FAM174C: variants seen among roughly 807,000 people sequenced by gnomAD.
FAM174C encodes family with sequence similarity 174 member C, also known as protein FAM174C.
A neutral mutation model predicts 12.3 loss-of-function variants in FAM174C; 19 were observed. The ratio of observed to expected loss-of-function variants is 1.55; its 90% CI spans 1.08 to 2.27. The LOEUF (loss-of-function observed/expected upper bound fraction) is 2.27. Ranked by LOEUF, FAM174C falls within the 30% of genes most tolerant of loss-of-function variation. The probability of loss-of-function intolerance (pLI) is 0.00; values close to 1 mark genes in which losing one functional copy is unlikely to be tolerated. For synonymous variants in FAM174C, 147 were observed against 103.5 expected (o/e 1.42, Z -2.55); for missense variants, 239 against 190.2 (o/e 1.26, Z -1.51).
chr19:1,277,637 A>AT (rs2081421358), intron 2 of FAM174C, among the ~76,000 whole-genome samples: 1 of 151,784 alleles, frequency 6.6e-6, no homozygotes, highest in African/African-American at 2.4e-5. Context: ...CGCCTCGCTA[A>AT]TTTTTTGTAT....
intron 1 of FAM174C, chr19:1,276,212 C>T (rs766594022): frequency 8.3e-6 from 2 of 240,362 alleles, no homozygotes; most frequent in Non-Finnish European, 1.6e-5. Context: ...CTCATCTTCC[C>T]GCCTGCCGCC....
Position 1,275,807 on chromosome 19 carries a change from C to A in FAM174C, c.258C>A (p.Leu86=). Reference sequence around the variant, plus strand: ...TGGGCTTCTGCGGCCTGACCGCGCTCTACTTCCTGATCCGGGCGTTTAGGT... The same window carrying A: ...TGGGCTTCTGCGGCCTGACCGCGCTATACTTCCTGATCCGGGCGTTTAGGT... The part of the protein sequence containing the change: ...VILGFCGLTA[L]YFLIRAFRLK... The change falls in exon 1 of 3, where the codon CTC becomes CTA. Residue 86 remains leucine, a synonymous_variant. Transcript: ENST00000409293. The A allele has an allele frequency of 6.5e-7, 1 of 1,538,000 alleles. No individual in the cohort carries two copies. Among genetic ancestry groups the A allele is most frequent in the South Asian group, 1.2e-5 (1 of 84,042 alleles).
In FAM174C at chr19:1,277,124, G is replaced by A. The variant is rs2081418919; in HGVS notation, c.282-59G>A. On this transcript the variant is annotated intron_variant, in intron 1 of 2. Transcript: ENST00000409293. The stretch of plus-strand genomic sequence containing the variant: ...GAGGACGGCAATGAGAGTCCTGAGG[G>A]AAGGAGGAGGCAGGGTTGGCGGGGA... The A allele has an allele frequency of 1.5e-5, 22 of 1,507,056 alleles. No homozygotes were observed. The East Asian group carries it at 5.5e-4, about 38-fold the overall frequency. The allele number at this position is 1,507,056 out of a possible 1,614,324, so 93.4% of individuals were successfully genotyped here.
Position 1,278,969 on chromosome 19 carries a change from C to G in FAM174C, c.*192C>G. 1.2e-6 allele frequency: 2 copies of G among 1,612,688 alleles called. No homozygotes were observed. The highest frequency in any genetic ancestry group is 1.7e-6 in the Non-Finnish European group (2 of 1,179,934). ...CCGCCGACCTGTTGCCACCTGCACC[C>G]ACCGCTGGACCATGCAGCCTCGCCT... On this transcript the variant is annotated 3_prime_UTR_variant, in exon 3 of 3. Transcript: ENST00000409293.
At chr19:1,278,199 G>A (rs4995472) in intron 2 of FAM174C, among the ~76,000 whole-genome samples, 748 of 12,718 alleles carry the variant, frequency 0.059, 3 homozygotes, top group South Asian at 0.1. Flanking sequence ...GCTTCTGAGC[G>A]GGCGGGGTCA....
intron 2 of FAM174C, chr19:1,277,742 G>A (rs1023372520): frequency 6.4e-6 from 1 of 157,070 alleles, no homozygotes; most frequent in Non-Finnish European, 1.4e-5. Flanking sequence ...CCAAAGAGCT[G>A]GGATTACAGG....
At chr19:1,276,977 G>A (rs1218847133) in intron 1 of FAM174C, 5 of 710,728 alleles carry the variant, frequency 7.0e-6, no homozygotes, top group Non-Finnish European at 1.0e-5. Context: ...GGCCTGGTAG[G>A]GCACATGTCT....
chr19:1,278,152 A>T (rs968067358), intron 2 of FAM174C, among the ~76,000 whole-genome samples: 2 of 11,330 alleles, frequency 1.8e-4, no homozygotes, highest in African/African-American at 3.3e-4. Context: ...TCCCTGAGGG[A>T]TGAGGTCTAA....
At chr19:1,277,443 G>A in intron 2 of FAM174C, 144 bp downstream of exon 2, 1 of 1,274,662 alleles carries the variant, frequency 7.8e-7, no homozygotes, top group Non-Finnish European at 1.0e-6. Context: ...CCACTGGGCA[G>A]GGCTCATCCC....
chr19:1,277,086 C>G, intron 1 of FAM174C, 97 bp from the exon 2 acceptor site: 1 of 1,449,348 alleles, frequency 6.9e-7, no homozygotes, highest in Non-Finnish European at 9.2e-7. Context: ...CAGCAGGGCT[C>G]GGGGCTCCAG....
chr19:1,278,870 C>A lies in FAM174C; in HGVS notation c.*93C>A. The A allele has an allele frequency of 2.5e-6, 4 of 1,613,092 alleles. No homozygotes were observed. The South Asian group carries it at 4.4e-5, about 18-fold the overall frequency. ...TGCCCAGCAACCCCCTGCTCCACCG[C>A]TCATTCCCCTGCTGGCCCCGGGGCT... On this transcript the variant is annotated 3_prime_UTR_variant, in exon 3 of 3. Transcript: ENST00000409293.
Position 1,275,734 on chromosome 19 carries a change from C to G in FAM174C, c.185C>G (p.Pro62Arg). 6.5e-7 allele frequency: 1 copy of G among 1,534,086 alleles called. No individual in the cohort carries two copies. Among genetic ancestry groups the G allele is most frequent in the Non-Finnish European group, 8.7e-7 (1 of 1,144,268 alleles). ...GAPHNSTHTR[P>R]PGASGSALTR... is the part of the protein sequence containing the mutation. ...CCACACAACAGCACGCACACGCGTCCGCCGGGGGCGTCGGGCTCGGCGCTG... is the reference window on the plus strand; with the variant it reads ...CCACACAACAGCACGCACACGCGTCGGCCGGGGGCGTCGGGCTCGGCGCTG... Residue 62 changes from proline (P) to arginine (R), a missense_variant, in exon 1 of 3, where the codon CCG becomes CGG. By Grantham distance (103) the Pro-to-Arg change is moderately radical (BLOSUM62 -2). Transcript: ENST00000409293.
At chr19:1,277,870 G>GTTCAAGCAT (rs2081422332) in intron 2 of FAM174C, 1 of 153,282 alleles carries the variant, frequency 6.5e-6, no homozygotes. Context: ...CACCTCCCAG[G>GTTCAAGCAT]TTCAAGCATT....
intron 2 of FAM174C, 111 bp from the exon 3 acceptor site, chr19:1,278,666 A>G (rs757294): frequency 0.99 from 1,527,584 of 1,535,520 alleles, 759,851 homozygotes; most frequent in East Asian, 1. Context: ...GGGCCCTGGT[A>G]GACCGAGGGG....
At chr19:1,276,101 C>G (rs564108271) in intron 1 of FAM174C, 1 of 487,240 alleles carries the variant, frequency 2.1e-6, no homozygotes, top group South Asian at 2.4e-5. Flanking sequence ...GCCCGTTTCC[C>G]AGGTGGGGCC....
intron 1 of FAM174C, chr19:1,276,088 GC>G (rs2081413270): frequency 2.0e-6 from 1 of 503,282 alleles, no homozygotes; most frequent in Non-Finnish European, 3.5e-6. Context: ...CGGGGGTGAC[GC>G]TGCCCGTTTC....
rs1328407386 is a variant in FAM174C at position 1,278,919 on chromosome 19, G to A, written c.*142G>A. On this transcript the variant is annotated 3_prime_UTR_variant, in exon 3 of 3. Coordinates refer to ENST00000409293, the MANE Select transcript of FAM174C (RefSeq NM_017914.4). ...CTGGTCTCACCCAGTGCCAACCCGA[G>A]AGCTCCTTTTGGAACCTGCACAGCC... 3.7e-6 allele frequency: 6 copies of A among 1,613,230 alleles called. 1 individual carries two copies. The South Asian group carries it at 6.6e-5, about 18-fold the overall frequency.
chr19:1,275,801 C>G lies in FAM174C; in HGVS notation c.252C>G (p.Thr84=). Residue 84 remains threonine (T), a synonymous_variant, in exon 1 of 3, where the codon ACC becomes ACG. Coordinates refer to ENST00000409293, the MANE Select transcript of FAM174C (RefSeq NM_017914.4). Reference sequence around the variant, plus strand: ...TGATCCTGGGCTTCTGCGGCCTGACCGCGCTCTACTTCCTGATCCGGGCGT... The same window carrying G: ...TGATCCTGGGCTTCTGCGGCCTGACGGCGCTCTACTTCCTGATCCGGGCGT... ...FYVILGFCGL[T]ALYFLIRAFR... is the part of the protein sequence containing the mutation. 1 of 1,538,302 alleles carries G rather than the reference C, an allele frequency of 6.5e-7. No individual in the cohort carries two copies. Among genetic ancestry groups the G allele is most frequent in the Non-Finnish European group, 8.7e-7 (1 of 1,146,288 alleles).
At chr19:1,276,637 T>G (rs753346229) in intron 1 of FAM174C, 2 of 152,532 alleles carry the variant, frequency 1.3e-5, no homozygotes, top group Non-Finnish European at 2.9e-5. Flanking sequence ...CAAGTGATCC[T>G]TTTTCGTTGG....
Sources: gnomAD v4.1 joint callset for allele counts (sites outside exome capture counted in the v4.1 genomes callset) on GRCh38, gnomAD v4.1.1 for gene constraint, MANE v1.5 for transcripts, NCBI Gene and HGNC (gene_info 2026-07-23, HGNC 2026-07-21) for gene names.